Variants in PARL observed in about 807,000 individuals in gnomAD.
PARL encodes the protein presenilin-associated rhomboid-like protein, mitochondrial.
Under a neutral mutation model 51.6 loss-of-function variants are expected in PARL, and 44 were observed. That is an observed-to-expected ratio of 0.85 (90% CI 0.67 to 1.10). PARL has a LOEUF of 1.10. Among genes scored for constraint, PARL ranks in the 50% least tolerant of loss-of-function variants. PARL has a pLI of 0.00. For synonymous variants in PARL, 172 were observed against 164.0 expected, an observed-to-expected ratio of 1.05 and a Z score of -0.37; for missense variants, 441 against 469.5, an observed-to-expected ratio of 0.94 and a Z score of 0.56.
chr3:183,844,081 C>T, intron 5 of PARL, 150 bp downstream of exon 5: 3 of 694,954 alleles, frequency 4.3e-6, no homozygotes, highest in East Asian at 2.6e-5. Flanking sequence ...AGGTCCCTGT[C>T]CTCAGTGAAG....
At chr3:183,863,514 C>T (rs2037380) in intron 3 of PARL, among the ~76,000 whole-genome samples, 114,149 of 151,998 alleles carry the variant, frequency 0.75, 43,115 homozygotes, top group East Asian at 0.96. Context: ...AAATATATTC[C>T]AACTAAGAAA....
At chr3:183,835,235 T>C (rs970077821) in intron 7 of PARL, among the ~76,000 whole-genome samples, 24 of 152,090 alleles carry the variant, frequency 1.6e-4, no homozygotes, top group Non-Finnish European at 3.2e-4. Context: ...GAAAGGTTCC[T>C]ACCTTTTCAT....
At chr3:183,852,499 G>A (rs1004297464) in intron 4 of PARL, among the ~76,000 whole-genome samples, 1 of 152,084 alleles carries the variant, frequency 6.6e-6, no homozygotes, top group Non-Finnish European at 1.5e-5. Flanking sequence ...GAGGGGAGGG[G>A]GTAATAGGGA....
intron 9 of PARL, among the ~76,000 whole-genome samples, chr3:183,830,335 A>C (rs1361531951): frequency 6.6e-6 from 1 of 152,200 alleles, no homozygotes; most frequent in Middle Eastern, 3.2e-3. Flanking sequence ...AGGTTCCACA[A>C]CTAGGAATCA....
At position 183,865,790 on chromosome 3, in the gene PARL, A is replaced by G. The variant is rs142427369; in HGVS notation, c.462+835T>C. Among the ~76,000 whole-genome samples, 8 of 152,332 alleles carry G rather than the reference A, an allele frequency of 5.3e-5. No homozygotes were observed. In the East Asian group the frequency reaches 1.5e-3, roughly 29 times the overall value. On this transcript the variant is annotated intron_variant, in intron 3 of 9. Coordinates refer to ENST00000317096, the MANE Select transcript of PARL (RefSeq NM_018622.7). ...AAAACAGTGGCCTTTAAACTTTAGT[A>G]GAGCTGAGATCCACTGAGATCCTTA...
chr3:183,857,986 G>A (rs1028408189), intron 4 of PARL, among the ~76,000 whole-genome samples: 3 of 152,322 alleles, frequency 2.0e-5, no homozygotes, highest in Admixed American at 6.5e-5. Flanking sequence ...CTGTGTGATC[G>A]CAGTTACTTG....
intron 1 of PARL, among the ~76,000 whole-genome samples, chr3:183,879,271 G>T (rs912549333): frequency 6.6e-6 from 1 of 152,188 alleles, no homozygotes; most frequent in Non-Finnish European, 1.5e-5. Flanking sequence ...AACTTCAAGG[G>T]ATTCAAGGAT....
chr3:183,859,181 G>A (rs1265516161), intron 4 of PARL, among the ~76,000 whole-genome samples: 1 of 151,886 alleles, frequency 6.6e-6, no homozygotes, highest in African/African-American at 2.4e-5. Flanking sequence ...ATAGGCTGAG[G>A]AAGGAGAATG....
At chr3:183,831,325 A>C (rs1158772096) in intron 9 of PARL, among the ~76,000 whole-genome samples, 1 of 152,222 alleles carries the variant, frequency 6.6e-6, no homozygotes, top group Non-Finnish European at 1.5e-5. Context: ...CAAATACTTT[A>C]ATTTCACAGG....
chr3:183,858,357 C>T (rs79138270), intron 4 of PARL, among the ~76,000 whole-genome samples: 272 of 152,152 alleles, frequency 1.8e-3, no homozygotes, highest in Non-Finnish European at 2.9e-3. Flanking sequence ...CTGGCAGAAA[C>T]AGAACAGCAA....
chr3:183,830,855 C>T (rs1268930253), intron 9 of PARL, among the ~76,000 whole-genome samples: 1 of 152,150 alleles, frequency 6.6e-6, no homozygotes. Context: ...ATTCTCTGTG[C>T]TTAAGTCTCT....
chr3:183,856,319 C>G (rs1331166533), intron 4 of PARL: 2 of 152,254 alleles, frequency 1.3e-5, no homozygotes, highest in Non-Finnish European at 2.9e-5. Context: ...TTCACCCCTC[C>G]AAAGCTCCTT....
At chr3:183,835,158 G>GT (rs1728424874) in intron 7 of PARL, among the ~76,000 whole-genome samples, 1 of 70,782 alleles carries the variant, frequency 1.4e-5, no homozygotes, top group Non-Finnish European at 2.6e-5. Flanking sequence ...TGAATGAGAT[G>GT]TTTAAAAAAA....
intron 1 of PARL, among the ~76,000 whole-genome samples, chr3:183,882,096 C>A (rs375024218): frequency 6.7e-6 from 1 of 149,184 alleles, no homozygotes; most frequent in African/African-American, 2.5e-5. Context: ...CCCAGCTACT[C>A]GGGAGGCTGA....
chr3:183,874,724 T>C (rs943952014), intron 1 of PARL, among the ~76,000 whole-genome samples: 13 of 152,172 alleles, frequency 8.5e-5, no homozygotes, highest in African/African-American at 2.7e-4. Flanking sequence ...TGTCAAAAGC[T>C]GAGATAGGCC....
chr3:183,882,318 CACAT>C (rs1419604863), intron 1 of PARL, among the ~76,000 whole-genome samples: 99 of 95,816 alleles, frequency 1.0e-3, no homozygotes, highest in African/African-American at 3.1e-3. Context: ...CATATATACA[CACAT>C]ATATACACAT....
At chr3:183,877,409 T>C (rs796720474) in intron 1 of PARL, among the ~76,000 whole-genome samples, 2 of 152,172 alleles carry the variant, frequency 1.3e-5, no homozygotes, top group South Asian at 4.1e-4. Flanking sequence ...CAACAAAGGA[T>C]TTAGATTACA....
At chr3:183,867,417 T>C (rs558995574) in intron 2 of PARL, among the ~76,000 whole-genome samples, 7 of 152,034 alleles carry the variant, frequency 4.6e-5, no homozygotes, top group Non-Finnish European at 7.4e-5. Context: ...GTTCAGACTC[T>C]AGGCCGGGCG....
chr3:183,871,582 T>A (rs1733222158), intron 1 of PARL, among the ~76,000 whole-genome samples: 1 of 150,188 alleles, frequency 6.7e-6, no homozygotes, highest in African/African-American at 2.4e-5. Context: ...CATGGATAAC[T>A]CTCAAAAACA....
Sources: gnomAD v4.1 joint callset for allele counts (sites outside exome capture counted in the v4.1 genomes callset) on GRCh38, gnomAD v4.1.1 for gene constraint, MANE v1.5 for transcripts, NCBI Gene and HGNC (gene_info 2026-07-23, HGNC 2026-07-21) for gene names.